The following PTPN22 variants were observed in gnomAD, a reference collection of about 807,000 sequenced individuals.
PTPN22 encodes the protein tyrosine-protein phosphatase non-receptor type 22.
In PTPN22, 85 loss-of-function variants were observed where a neutral mutation model predicts 103.3. That is an observed-to-expected ratio of 0.82 (90% CI 0.69 to 0.99). The LOEUF is 0.99. Among genes scored for constraint, PTPN22 ranks in the 50% least tolerant of loss-of-function variants. The probability of loss-of-function intolerance (pLI) is 0.00; values close to 1 mark genes in which losing one functional copy is unlikely to be tolerated. For synonymous variants in PTPN22, 323 were observed against 310.2 expected, an observed-to-expected ratio of 1.04 and a Z score of -0.43; for missense variants, 865 against 936.9, an observed-to-expected ratio of 0.92 and a Z score of 1.00.
At chr1:113,828,881 C>G (rs958620781) in intron 18 of PTPN22, among the ~76,000 whole-genome samples, 1 of 152,208 alleles carries the variant, frequency 6.6e-6, no homozygotes, top group African/African-American at 2.4e-5. Flanking sequence ...AGTGATCTGC[C>G]CGCCTTGGCC....
chr1:113,851,881 G>T (rs1664599622), intron 10 of PTPN22, 146 bp downstream of exon 10: 1 of 469,020 alleles, frequency 2.1e-6, no homozygotes, highest in Non-Finnish European at 3.7e-6. Context: ...GATATTCAGA[G>T]TTAGAGAAAA....
At chr1:113,817,372 G>C (rs1661245925) in intron 20 of PTPN22, among the ~76,000 whole-genome samples, 1 of 152,146 alleles carries the variant, frequency 6.6e-6, no homozygotes, top group Non-Finnish European at 1.5e-5. Flanking sequence ...TTTTCATTCA[G>C]ATTTAAGTAC....
chr1:113,835,528 A>T (rs1662924756), intron 13 of PTPN22, among the ~76,000 whole-genome samples: 1 of 152,136 alleles, frequency 6.6e-6, no homozygotes, highest in Admixed American at 6.6e-5. Context: ...AAAAAATAAT[A>T]ATAATAATAA....
chr1:113,850,165 C>CGAGT (rs1664434851), intron 10 of PTPN22, among the ~76,000 whole-genome samples: 2 of 147,550 alleles, frequency 1.4e-5, no homozygotes, highest in South Asian at 4.2e-4. Context: ...CCATTGCACT[C>CGAGT]CAGCCTGAGT....
At chr1:113,814,838 G>A in exon 21 of PTPN22, 1 of 1,153,684 alleles carries the variant, frequency 8.7e-7, no homozygotes, top group South Asian at 1.2e-5. Flanking sequence ...ATTTTAACTA[G>A]CAGTATTCTA....
chr1:113,866,538 C>CAAA (rs1252669227), intron 1 of PTPN22, among the ~76,000 whole-genome samples: 1 of 151,890 alleles, frequency 6.6e-6, no homozygotes, highest in African/African-American at 2.4e-5. Context: ...ACAACAACAA[C>CAAA]AAAACCCACA....
chr1:113,837,920 A>T (rs759664508), exon 13 of PTPN22: 1 of 1,614,150 alleles, frequency 6.2e-7, no homozygotes, highest in South Asian at 1.1e-5. Flanking sequence ...AGTTCTGCTG[A>T]AGAAACATGC....
intron 1 of PTPN22, among the ~76,000 whole-genome samples, chr1:113,864,982 G>A (rs973602680): frequency 4.6e-5 from 7 of 152,198 alleles, no homozygotes; most frequent in African/African-American, 1.7e-4. Flanking sequence ...CAAGGCGGAG[G>A]TAACAACATG....
chr1:113,821,823 G>A (rs2101883873), intron 19 of PTPN22, among the ~76,000 whole-genome samples: 1 of 152,314 alleles, frequency 6.6e-6, no homozygotes, highest in African/African-American at 2.4e-5. Flanking sequence ...CACACCAGAT[G>A]TATAGGTCTG....
intron 3 of PTPN22, 106 bp downstream of exon 3, chr1:113,858,895 TC>T: frequency 6.8e-7 from 1 of 1,478,378 alleles, no homozygotes; most frequent in South Asian, 1.4e-5. Context: ...CGCCTCAGCC[TC>T]CCAAAGTGCT....
intron 13 of PTPN22, 21 bp downstream of exon 13, chr1:113,837,569 A>C: frequency 2.7e-6 from 4 of 1,481,194 alleles, no homozygotes; most frequent in Non-Finnish European, 3.7e-6. Context: ...AATTCTATGC[A>C]AACTTTAAAA....
intron 7 of PTPN22, 102 bp from the exon 8 acceptor site, chr1:113,855,151 A>ATG: frequency 1.3e-5 from 13 of 1,030,032 alleles, no homozygotes; most frequent in Admixed American, 2.2e-5. Flanking sequence ...ATTCAGTGGC[A>ATG]TGCATGCAAC....
intron 19 of PTPN22, among the ~76,000 whole-genome samples, chr1:113,824,343 A>T (rs1355787939): frequency 6.6e-6 from 1 of 151,786 alleles, no homozygotes; most frequent in Non-Finnish European, 1.5e-5. Flanking sequence ...CTTGTGATCC[A>T]CCTGCCTCGG....
At chr1:113,864,956 G>T (rs1665997623) in intron 1 of PTPN22, among the ~76,000 whole-genome samples, 1 of 152,168 alleles carries the variant, frequency 6.6e-6, no homozygotes, top group Non-Finnish European at 1.5e-5. Context: ...AGGTAAAGAG[G>T]AGTGTGAGGA....
intron 10 of PTPN22, among the ~76,000 whole-genome samples, chr1:113,849,375 T>C (rs922601397): frequency 1.3e-5 from 2 of 152,202 alleles, no homozygotes; most frequent in African/African-American, 4.8e-5. Context: ...TTTTTGCCTG[T>C]ACTTTCTCAA....
At chr1:113,866,048 G>A (rs1352521703) in intron 1 of PTPN22, among the ~76,000 whole-genome samples, 1 of 152,090 alleles carries the variant, frequency 6.6e-6, no homozygotes, top group Non-Finnish European at 1.5e-5. Context: ...CTAGCTATGT[G>A]ACCCTGAGCA....
chr1:113,860,093 C>T (rs935514011), intron 1 of PTPN22, among the ~76,000 whole-genome samples: 98 of 152,018 alleles, frequency 6.4e-4, no homozygotes, highest in African/African-American at 2.2e-3. Flanking sequence ...TCACCTCCCA[C>T]CTCAGCCTTA....
At chr1:113,839,644 G>T (rs1322682715) in intron 11 of PTPN22, among the ~76,000 whole-genome samples, 1 of 152,074 alleles carries the variant, frequency 6.6e-6, no homozygotes, top group Non-Finnish European at 1.5e-5. Context: ...GAACATCTCA[G>T]TTGATGCAGA....
intron 11 of PTPN22, among the ~76,000 whole-genome samples, chr1:113,841,392 G>A (rs189068486): frequency 6.6e-6 from 1 of 152,224 alleles, no homozygotes; most frequent in Admixed American, 6.5e-5. Context: ...TCTTGGATAG[G>A]ACACCAAAGG....
Sources: gnomAD v4.1 joint callset for allele counts (sites outside exome capture counted in the v4.1 genomes callset) on GRCh38, gnomAD v4.1.1 for gene constraint, MANE v1.5 for transcripts, NCBI Gene and HGNC (gene_info 2026-07-23, HGNC 2026-07-21) for gene names.